The following SPOCD1 variants were observed in gnomAD, a reference collection of about 807,000 sequenced individuals.
The protein encoded by SPOCD1 is SPOC domain-containing protein 1.
In SPOCD1, 64 loss-of-function variants were observed where a neutral mutation model predicts 92.2. The ratio of observed to expected loss-of-function variants is 0.69; its 90% CI spans 0.57 to 0.86. SPOCD1 has a LOEUF of 0.86. SPOCD1 is among the 40% of genes least tolerant of loss of function. The probability of loss-of-function intolerance (pLI) is 0.00; values close to 1 mark genes in which losing one functional copy is unlikely to be tolerated. For synonymous variants in SPOCD1, 578 were observed against 619.3 expected (o/e 0.93, Z 0.99); for missense variants, 1,360 against 1,543.1 (o/e 0.88, Z 1.99).
intron 15 of SPOCD1, 122 bp from the exon 16 acceptor site, chr1:31,791,413 G>T (rs1245558018): frequency 7.9e-6 from 6 of 759,158 alleles, no homozygotes; most frequent in Non-Finnish European, 1.2e-5. Flanking sequence ...GGAAGGTGGG[G>T]CTGTCTCGGA....
chr1:31,802,529 G>A (rs1325169605), intron 2 of SPOCD1, among the ~76,000 whole-genome samples: 1 of 152,158 alleles, frequency 6.6e-6, no homozygotes, highest in Non-Finnish European at 1.5e-5. Flanking sequence ...TTCATGGAAA[G>A]ATGTCAAGAA....
intron 2 of SPOCD1, among the ~76,000 whole-genome samples, chr1:31,803,032 G>GGGAAGAAGAACAACA (rs58049037): frequency 6.7e-6 from 1 of 149,360 alleles, no homozygotes; most frequent in African/African-American, 2.5e-5. Context: ...ACAGGGGTGT[G>GGGAAGAAGAACAACA]GGAAGAATAT....
chr1:31,815,131 C>A lies in SPOCD1; in HGVS notation c.203G>T (p.Gly68Val). The A allele has an allele frequency of 6.2e-7, 1 of 1,608,802 alleles. No homozygotes were observed. Among genetic ancestry groups the A allele is most frequent in the Non-Finnish European group, 8.5e-7 (1 of 1,176,128 alleles). The change falls in exon 2 of 16, where the codon GGC becomes GTC. Residue 68 changes from glycine to valine, a missense_variant. Coordinates refer to ENST00000360482, the MANE Select transcript of SPOCD1 (RefSeq NM_144569.7). ...AGCAGCACCTGCAGCCCGGGAGCTGCCACCTCGAAGGGCCTCCTTCCTGGG... is the reference window on the plus strand; with the variant it reads ...AGCAGCACCTGCAGCCCGGGAGCTGACACCTCGAAGGGCCTCCTTCCTGGG... ...KIPRKEALRG[G>V]SSRAAGAAEV... is the part of the protein sequence containing the mutation.
At chr1:31,800,407 T>G (rs1388426520) in intron 4 of SPOCD1, 34 bp downstream of exon 4, 2 of 1,519,072 alleles carry the variant, frequency 1.3e-6, no homozygotes, top group Non-Finnish European at 1.8e-6. Context: ...GGTGCCTCTC[T>G]CAGCAGGATT....
chr1:31,814,712 T>C lies in SPOCD1; in HGVS notation c.622A>G (p.Lys208Glu), dbSNP rs754717963. The change falls in exon 2 of 16, where the codon AAA becomes GAA. Residue 208 changes from lysine (K) to glutamate (E), a missense_variant. Physicochemically the swap from Lys to Glu is moderately conservative, Grantham distance 56. This residue lies in a region of SPOCD1 where 606 missense variants were observed against 601.5 expected (regional missense o/e 1.01). Transcript: ENST00000360482. This position sits in a 1 kb window ranked among gnomAD's most constrained non-coding sequence, Gnocchi z 4.2. ...GAATGAGCCCCTTGCCTCCTCCATTTCTTTCTTACCCTCACAGGGACTGGG... is the reference window on the plus strand; with the variant it reads ...GAATGAGCCCCTTGCCTCCTCCATTCCTTTCTTACCCTCACAGGGACTGGG... ...PDPVPVRVRK[K>E]WRRQGAHSEC... 1 of 1,606,932 alleles carries C rather than the reference T, an allele frequency of 6.2e-7. No individual in the cohort carries two copies. The highest frequency in any genetic ancestry group is 1.7e-5 in the Admixed American group (1 of 58,324).
rs201933024 is a variant in SPOCD1 at position 31,814,016 on chromosome 1, T to C, written c.1318A>G (p.Arg440Gly). The C allele has an allele frequency of 4.5e-5, 73 of 1,606,864 alleles. No homozygotes were observed. Among genetic ancestry groups the C allele is most frequent in the Non-Finnish European group, 5.7e-5 (67 of 1,175,666 alleles). Residue 440 changes from arginine (R) to glycine (G), a missense_variant, in exon 2 of 16, where the codon AGA (arginine) becomes GGA (glycine). By Grantham distance (125) the Arg-to-Gly change is moderately radical. Around this residue, in one of 3 missense-constraint regions of SPOCD1, gnomAD observed 606 missense variants for 601.5 expected, o/e 1.01. Transcript: ENST00000360482. The surrounding 1 kb of genome is among the most constrained non-coding windows in gnomAD (Gnocchi z 4.2). The part of the protein sequence containing the change: ...VPCAQDRGTD[R>G]SSDNSHQDRP... ...TCCTGGTGGGAGTTGTCTGAGCTTC[T>C]GTCTGTGCCCCGGTCTTGGGCACAG...
chr1:31,790,518 C>G lies in SPOCD1; in HGVS notation c.*85G>C. ...GGGCAGGTGGGTAGGGCTGACCATCCTCTCCTTGCAGTCCCACCTCTCTCT... is the reference window on the plus strand; with the variant it reads ...GGGCAGGTGGGTAGGGCTGACCATCGTCTCCTTGCAGTCCCACCTCTCTCT... On this transcript the variant is annotated 3_prime_UTR_variant, in exon 16 of 16. Coordinates refer to ENST00000360482, the MANE Select transcript of SPOCD1 (RefSeq NM_144569.7). 1.6e-6 allele frequency: 2 copies of G among 1,258,052 alleles called. No homozygotes were observed. Among genetic ancestry groups the G allele is most frequent in the Admixed American group, 4.9e-5 (2 of 40,730 alleles). 77.9% of individuals were successfully genotyped at this position (1,258,052 alleles called of 1,614,324 possible). A position where few individuals can be genotyped will look rare whatever the true frequency, so the allele number is the denominator to read the frequency against.
At chr1:31,799,595 G>T in intron 6 of SPOCD1, 110 bp from the exon 7 acceptor site, 1 of 1,120,922 alleles carries the variant, frequency 8.9e-7, no homozygotes, top group Non-Finnish European at 1.3e-6. Context: ...CACCCTCAAA[G>T]ACCTAGACCC....
chr1:31,813,893 A>C, intron 2 of SPOCD1, 58 bp downstream of exon 2: 1 of 1,397,344 alleles, frequency 7.2e-7, no homozygotes, highest in Non-Finnish European at 9.5e-7. Context: ...ACTGCCAAGT[A>C]TGGTATTGAG....
chr1:31,815,449 G>T, intron 1 of SPOCD1, 77 bp from the exon 2 acceptor site: 1 of 1,088,360 alleles, frequency 9.2e-7, no homozygotes, highest in Non-Finnish European at 1.3e-6. Context: ...ACTGGGAGGA[G>T]CCCCTCTTCC....
chr1:31,791,048 C>G lies in SPOCD1; in HGVS notation c.3206G>C (p.Trp1069Ser), dbSNP rs1273520653. 1.2e-6 allele frequency: 2 copies of G among 1,612,672 alleles called. No individual in the cohort carries two copies. Among genetic ancestry groups the G allele is most frequent in the African/African-American group, 2.7e-5 (2 of 74,946 alleles). Residue 1069 changes from tryptophan (W) to serine (S), a missense_variant, in exon 16 of 16, where the codon TGG (tryptophan) becomes TCG (serine). This residue lies in a region of SPOCD1 where 614 missense variants were observed against 757.8 expected (regional missense o/e 0.81). Coordinates refer to ENST00000360482, the MANE Select transcript of SPOCD1 (RefSeq NM_144569.7). ...LKGTPPPGGAWQQSQGRGSIA... is the reference protein window; with the variant it reads ...LKGTPPPGGASQQSQGRGSIA... The stretch of plus-strand genomic sequence containing the variant: ...ACTGCCCCTGCCCTGGCTCTGCTGC[C>G]AGGCACCTCCTGGGGGAGGGGTGCC...
In SPOCD1 at chr1:31,790,724, C is replaced by T. The variant is rs376216363; in HGVS notation, c.3530G>A (p.Arg1177His). 3.5e-4 allele frequency: 542 copies of T among 1,551,786 alleles called. 14 individuals are homozygous for T. Among genetic ancestry groups the T allele is most frequent in the South Asian group, 3.4e-3 (287 of 84,076 alleles). The change falls in exon 16 of 16, where the codon CGC (arginine) becomes CAC (histidine). Residue 1177 changes from arginine (R) to histidine (H), a missense_variant. Physicochemically the swap from Arg to His is conservative, Grantham distance 29 (BLOSUM62 0). Around this residue, in one of 3 missense-constraint regions of SPOCD1, gnomAD observed 614 missense variants for 757.8 expected, o/e 0.81. Coordinates refer to ENST00000360482, the MANE Select transcript of SPOCD1 (RefSeq NM_144569.7). Reference sequence around the variant, plus strand: ...GGCGCTAGACAAACGCTGCAGAGGGCGGGGGATGGAGCTCTTGGTCTGGGG... The same window carrying T: ...GGCGCTAGACAAACGCTGCAGAGGGTGGGGGATGGAGCTCTTGGTCTGGGG... ...LCPQTKSSIP[R>H]PLQRLSSALA...
chr1:31,805,858 A>C (rs1389878132), intron 2 of SPOCD1, among the ~76,000 whole-genome samples: 1 of 152,248 alleles, frequency 6.6e-6, no homozygotes. Context: ...ACAGTTATAA[A>C]GTCTTTATGA....
In SPOCD1 at chr1:31,792,259, G is replaced by A. The variant is rs984376644; in HGVS notation, c.2918C>T (p.Ala973Val). The A allele has an allele frequency of 1.2e-5, 20 of 1,612,390 alleles. No homozygotes were observed. Among genetic ancestry groups the A allele is most frequent in the Non-Finnish European group, 1.6e-5 (19 of 1,179,454 alleles). ...CAGCCTGGTGGGCAGGGGCTGGAAG[G>A]CAGGCAGGGGCAGCAGGACCATCCC... ...HMGMVLLPLP[A>V]FQPLPTRLRP... Residue 973 changes from alanine (A) to valine (V), a missense_variant, in exon 15 of 16, where the codon GCC (alanine) becomes GTC (valine). Physicochemically the swap from Ala to Val is moderately conservative, Grantham distance 64. Transcript: ENST00000360482.
At chr1:31,808,744 TA>T (rs1313587725) in intron 2 of SPOCD1, among the ~76,000 whole-genome samples, 2 of 151,414 alleles carry the variant, frequency 1.3e-5, no homozygotes, top group African/African-American at 4.8e-5. Flanking sequence ...GGAAAGGAAA[TA>T]ACAAAAACTG....
At position 31,814,789 on chromosome 1, in the gene SPOCD1, G is replaced by T. The variant is rs1337708559; in HGVS notation, c.545C>A (p.Pro182His). The change falls in exon 2 of 16, where the codon CCC (proline) becomes CAC (histidine). Residue 182 changes from proline to histidine, a missense_variant. Pro to His is a moderately conservative substitution (Grantham distance 77). Around this residue, in one of 3 missense-constraint regions of SPOCD1, gnomAD observed 606 missense variants for 601.5 expected, o/e 1.01. Transcript: ENST00000360482. The surrounding 1 kb of genome is among the most constrained non-coding windows in gnomAD (Gnocchi z 4.2). ...AGGGGGCTCCTCTTTGCTGAGTGTG[G>T]GGCTTCTTCTGTCACACCCTGGAGA... ...MSSPGCDRRSPTLSKEEPPGR... is the reference protein window; with the variant it reads ...MSSPGCDRRSHTLSKEEPPGR... The T allele has an allele frequency of 1.2e-6, 2 of 1,613,360 alleles. No homozygotes were observed. Among genetic ancestry groups the T allele is most frequent in the Non-Finnish European group, 1.7e-6 (2 of 1,179,782 alleles).
At chr1:31,808,423 C>A (rs1250499369) in intron 2 of SPOCD1, among the ~76,000 whole-genome samples, 1 of 149,760 alleles carries the variant, frequency 6.7e-6, no homozygotes, top group African/African-American at 2.4e-5. Context: ...ATGGAAAAAA[C>A]ACATGTGATT....
Position 31,792,743 on chromosome 1 carries a change from C to T in SPOCD1, c.2710G>A (p.Ala904Thr). The change falls in exon 14 of 16, where the codon GCA becomes ACA. Residue 904 changes from alanine (A) to threonine (T), a missense_variant. Ala to Thr is a moderately conservative substitution (Grantham distance 58). Around this residue, in one of 3 missense-constraint regions of SPOCD1, gnomAD observed 614 missense variants for 757.8 expected, o/e 0.81. Coordinates refer to ENST00000360482, the MANE Select transcript of SPOCD1 (RefSeq NM_144569.7). ...ACAATGTTGGAGGGGATGCAGCCTGCCGAGCGGATCACGGTGGGCAGAGCC... is the reference window on the plus strand; with the variant it reads ...ACAATGTTGGAGGGGATGCAGCCTGTCGAGCGGATCACGGTGGGCAGAGCC... ...VQALPTVIRS[A>T]GCIPSNIVWD... 6.2e-7 allele frequency: 1 copy of T among 1,606,890 alleles called. No individual in the cohort carries two copies. Among genetic ancestry groups the T allele is most frequent in the African/African-American group, 1.3e-5 (1 of 74,912 alleles).
At chr1:31,793,201 T>A in intron 13 of SPOCD1, 77 bp downstream of exon 13, 1 of 1,456,940 alleles carries the variant, frequency 6.9e-7, no homozygotes, top group Non-Finnish European at 9.2e-7. Flanking sequence ...AATGCATGAG[T>A]GAAAGAGAGA....
Sources: gnomAD v4.1 joint callset for allele counts (sites outside exome capture counted in the v4.1 genomes callset) on GRCh38, gnomAD v4.1.1 for gene constraint, gnomAD v4.1.1 regional missense constraint, Gnocchi (gnomAD v3.1) non-coding constraint, MANE v1.5 for transcripts, NCBI Gene and HGNC (gene_info 2026-07-23, HGNC 2026-07-21) for gene names.